The following COL23A1 variants were observed in gnomAD, a reference collection of about 807,000 sequenced individuals.
The protein encoded by COL23A1 is collagen alpha-1(XXIII) chain.
COL23A1 carries 97 observed loss-of-function variants against 99.3 expected under a neutral mutation model. That is an observed-to-expected ratio of 0.98 (90% CI 0.83 to 1.16). The LOEUF is 1.16. COL23A1 is among the 50% of genes most tolerant of loss of function. The pLI is 0.00. For synonymous variants in COL23A1, 320 were observed against 308.2 expected, an observed-to-expected ratio of 1.04 and a Z score of -0.40; for missense variants, 762 against 757.4, an observed-to-expected ratio of 1.01 and a Z score of -0.07.
At chr5:178,276,668 T>C (rs567110930) in intron 5 of COL23A1, among the ~76,000 whole-genome samples, 1 of 152,226 alleles carries the variant, frequency 6.6e-6, no homozygotes, top group Non-Finnish European at 1.5e-5. Flanking sequence ...CTAGGCTCTT[T>C]GTACACACAT....
intron 2 of COL23A1, among the ~76,000 whole-genome samples, chr5:178,358,865 G>A (rs570881818): frequency 3.3e-5 from 5 of 152,238 alleles, no homozygotes; most frequent in Middle Eastern, 3.4e-3. Context: ...TTAAATGCCT[G>A]TTTATAAAGG....
intron 2 of COL23A1, among the ~76,000 whole-genome samples, chr5:178,491,191 G>C (rs898453989): frequency 6.6e-6 from 1 of 151,888 alleles, no homozygotes; most frequent in Non-Finnish European, 1.5e-5. Context: ...GAACGAGGAG[G>C]GGGGAGATTA....
intron 2 of COL23A1, among the ~76,000 whole-genome samples, chr5:178,362,604 A>G (rs1311962636): frequency 1.3e-5 from 2 of 152,054 alleles, no homozygotes; most frequent in Admixed American, 6.5e-5. Flanking sequence ...TCACGGGCAC[A>G]CCCTCATTTT....
chr5:178,487,254 C>G (rs1169149790), intron 2 of COL23A1, among the ~76,000 whole-genome samples: 1 of 152,064 alleles, frequency 6.6e-6, no homozygotes, highest in Non-Finnish European at 1.5e-5. Flanking sequence ...CCTGGTAAAT[C>G]AATCTCTGAA....
At chr5:178,371,878 CCTT>C (rs927035392) in intron 2 of COL23A1, among the ~76,000 whole-genome samples, 1 of 152,208 alleles carries the variant, frequency 6.6e-6, no homozygotes, top group African/African-American at 2.4e-5. Context: ...AGAGTGAAAT[CCTT>C]CTGACTCAGC....
intron 2 of COL23A1, among the ~76,000 whole-genome samples, chr5:178,443,606 G>A (rs1378851410): frequency 1.3e-5 from 2 of 150,020 alleles, no homozygotes; most frequent in Admixed American, 6.6e-5. Flanking sequence ...GATTACAGGC[G>A]CTCGCCACCA....
At chr5:178,258,505 C>T (rs1421432917) in intron 12 of COL23A1, among the ~76,000 whole-genome samples, 1 of 146,836 alleles carries the variant, frequency 6.8e-6, no homozygotes, top group African/African-American at 2.5e-5. Context: ...ACGCCATTCT[C>T]CTGTCTCAGC....
intron 2 of COL23A1, among the ~76,000 whole-genome samples, chr5:178,328,303 C>T (rs117779421): frequency 0.02 from 2,980 of 152,282 alleles, 49 homozygotes; most frequent in South Asian, 0.075. Flanking sequence ...TCCCTTCCCC[C>T]AGGCTCTGCT....
At chr5:178,457,273 G>A (rs1767850241) in intron 2 of COL23A1, among the ~76,000 whole-genome samples, 1 of 152,124 alleles carries the variant, frequency 6.6e-6, no homozygotes, top group South Asian at 2.1e-4. Context: ...GAGTGCAGTG[G>A]CACAATCTCG....
chr5:178,480,055 C>T (rs1362227654), intron 2 of COL23A1, among the ~76,000 whole-genome samples: 5 of 150,710 alleles, frequency 3.3e-5, no homozygotes, highest in Admixed American at 6.6e-5. Flanking sequence ...TACAGTAAAA[C>T]GATGGTATTA....
At chr5:178,376,297 G>T (rs1441884103) in intron 2 of COL23A1, among the ~76,000 whole-genome samples, 2 of 152,222 alleles carry the variant, frequency 1.3e-5, no homozygotes, top group Admixed American at 6.5e-5. Context: ...CTCTGCTATT[G>T]GTTGGTGCTC....
At chr5:178,331,472 T>C (rs1760014685) in intron 2 of COL23A1, among the ~76,000 whole-genome samples, 2 of 152,264 alleles carry the variant, frequency 1.3e-5, no homozygotes, top group South Asian at 4.1e-4. Context: ...TTCTGGATTG[T>C]TGTGAGGCTC....
At chr5:178,375,515 C>T (rs919250664) in intron 2 of COL23A1, among the ~76,000 whole-genome samples, 1 of 152,246 alleles carries the variant, frequency 6.6e-6, no homozygotes, top group Non-Finnish European at 1.5e-5. Flanking sequence ...GATGGTCTCA[C>T]CTCACGATGG....
chr5:178,530,019 C>T (rs747848906), intron 2 of COL23A1, among the ~76,000 whole-genome samples: 12 of 152,208 alleles, frequency 7.9e-5, no homozygotes, highest in Non-Finnish European at 1.8e-4. Flanking sequence ...AACAGTTTTT[C>T]TACGGTCTTG....
Position 178,245,967 on chromosome 5 carries a change from C to T in COL23A1, c.1415G>A (p.Gly472Asp). Reference protein sequence around the residue: ...IGLPGTKGEKGRPGEPGLDGF... With the variant: ...IGLPGTKGEKDRPGEPGLDGF... ...ATCTAGTCCTGGCTCCCCGGGTCTG[C>T]CCTGAGGAGAGACACAGAGTGGGTG... Residue 472 changes from glycine (G) to aspartate (D), a missense_variant and splice_region_variant, in exon 25 of 29, where the codon GGC becomes GAC. Physicochemically the swap from Gly to Asp is moderately conservative, Grantham distance 94 (BLOSUM62 -1). Transcript: ENST00000390654. 1.2e-6 allele frequency: 2 copies of T among 1,614,052 alleles called. No homozygotes were observed. The highest frequency in any genetic ancestry group is 8.5e-7 in the Non-Finnish European group (1 of 1,180,016).
chr5:178,322,323 CG>C (rs1451216843), intron 2 of COL23A1, among the ~76,000 whole-genome samples: 2 of 152,108 alleles, frequency 1.3e-5, no homozygotes, highest in Non-Finnish European at 2.9e-5. Flanking sequence ...TTAGTAGAGA[CG>C]GGGTTTCGCC....
chr5:178,427,717 C>T (rs190207498), intron 2 of COL23A1, among the ~76,000 whole-genome samples: 21 of 152,208 alleles, frequency 1.4e-4, no homozygotes, highest in African/African-American at 4.6e-4. Flanking sequence ...GAAAAGGCCA[C>T]ATGCTGTGAT....
intron 2 of COL23A1, among the ~76,000 whole-genome samples, chr5:178,323,735 TGCAGGGA>T (rs1466105306): frequency 6.6e-6 from 1 of 152,160 alleles, no homozygotes; most frequent in Non-Finnish European, 1.5e-5. Flanking sequence ...GCTGGAACGC[TGCAGGGA>T]GCAGGGAGGT....
At position 178,589,214 on chromosome 5, in the gene COL23A1, C is replaced by T. The variant is rs902613351; in HGVS notation, c.294+690G>A. Among the ~76,000 whole-genome samples, 3 of 152,266 alleles carry T rather than the reference C, an allele frequency of 2.0e-5. No individual in the cohort carries two copies. Among genetic ancestry groups the T allele is most frequent in the East Asian group, 1.9e-4 (1 of 5,170 alleles). ...GAAGTCGCGATTCCCAGGTAAGGGA[C>T]GGGAAACTCCGGATGTCCTGCGAGC... On this transcript the variant is annotated intron_variant, in intron 1 of 28. Coordinates refer to ENST00000390654, the MANE Select transcript of COL23A1 (RefSeq NM_173465.4). The surrounding 1 kb of genome is among the most constrained non-coding windows in gnomAD (Gnocchi z 5.4).
Sources: gnomAD v4.1 joint callset for allele counts (sites outside exome capture counted in the v4.1 genomes callset) on GRCh38, gnomAD v4.1.1 for gene constraint, Gnocchi (gnomAD v3.1) non-coding constraint, MANE v1.5 for transcripts, NCBI Gene and HGNC (gene_info 2026-07-23, HGNC 2026-07-21) for gene names.